The following SNRPA variants were observed in gnomAD, a reference collection of about 807,000 sequenced individuals.
The protein encoded by SNRPA is small nuclear ribonucleoprotein polypeptide A, also known as U1 small nuclear ribonucleoprotein A.
Under a neutral mutation model 24.5 loss-of-function variants are expected in SNRPA, and 10 were observed. The observed-to-expected ratio is 0.41, with a 90% CI of 0.25 to 0.69. The LOEUF (loss-of-function observed/expected upper bound fraction) is 0.69. SNRPA is among the 30% of genes least tolerant of loss of function. The pLI is 0.33. For synonymous variants in SNRPA, 165 were observed against 148.4 expected, an observed-to-expected ratio of 1.11 and a Z score of -0.81; for missense variants, 283 against 394.7, an observed-to-expected ratio of 0.72 and a Z score of 2.40.
chr19:40,755,222 G>A (rs919759705), intron 1 of SNRPA, among the ~76,000 whole-genome samples: 13 of 143,464 alleles, frequency 9.1e-5, no homozygotes, highest in Admixed American at 7.8e-4. Context: ...GATTACAAGC[G>A]CCCTCCACCA....
chr19:40,752,267 ACGGAGGTTGCAGTGAGC>A (rs775499831), intron 1 of SNRPA, among the ~76,000 whole-genome samples: 3 of 150,788 alleles, frequency 2.0e-5, no homozygotes, highest in Non-Finnish European at 3.0e-5. Flanking sequence ...AACCCAGGAG[ACGGAGGTTGCAGTGAGC>A]CGAGATTGCG....
rs1471649955 is a variant in SNRPA at position 40,759,415 on chromosome 19, GCT to G, written c.247-11_247-10del. On this transcript the variant is annotated splice_polypyrimidine_tract_variant and intron_variant, in intron 2 of 5. Transcript: ENST00000243563. ...TGAATCCACGCTCTTAACCCGTTCT[GCT>G]CTCTGTTTGGTAGCGTATCCAGTAT... 1.2e-6 allele frequency: 2 copies of G among 1,604,166 alleles called. No homozygotes were observed. The highest frequency in any genetic ancestry group is 1.1e-5 in the South Asian group (1 of 90,588).
intron 4 of SNRPA, 60 bp from the exon 5 acceptor site, chr19:40,763,527 T>C (rs1430236597): frequency 4.7e-6 from 6 of 1,284,732 alleles, no homozygotes; most frequent in Non-Finnish European, 6.8e-6. Flanking sequence ...GTGGCAGTAC[T>C]ATGGGTCTCC....
rs1004235207 is a variant in SNRPA, at chr19:40,755,257, CTT to C, written c.74-2052_74-2051del. 8.1e-3 allele frequency among the ~76,000 whole-genome samples: 668 copies of C among 82,576 alleles called. 7 individuals are homozygous for C. The highest frequency in any genetic ancestry group is 0.03 in the African/African-American group (598 of 19,850). 54.2% of individuals were successfully genotyped at this position (82,576 alleles called of 152,430 possible). On this transcript the variant is annotated intron_variant, in intron 1 of 5. Coordinates refer to ENST00000243563, the MANE Select transcript of SNRPA (RefSeq NM_004596.5). Reference sequence around the variant, plus strand: ...ACGCCTAGCTAATTTTTTTTCTTTTCTTTTTTTTTTTTTTTTTTTTTTTTGGC... The same window carrying C: ...ACGCCTAGCTAATTTTTTTTCTTTTCTTTTTTTTTTTTTTTTTTTTTTGGC...
At chr19:40,761,338 G>C (rs957242973) in intron 3 of SNRPA, among the ~76,000 whole-genome samples, 3 of 151,866 alleles carry the variant, frequency 2.0e-5, no homozygotes, top group East Asian at 3.9e-4. Context: ...TATCTGCAAG[G>C]GGAAAAAATT....
chr19:40,758,043 T>C (rs2082915813), intron 2 of SNRPA, among the ~76,000 whole-genome samples: 1 of 152,020 alleles, frequency 6.6e-6, no homozygotes, highest in South Asian at 2.1e-4. Context: ...CTTGGCTCAC[T>C]GCAACCTCCA....
At chr19:40,763,274 G>A (rs1370320401) in intron 4 of SNRPA, 200 bp downstream of exon 4, 8 of 597,688 alleles carry the variant, frequency 1.3e-5, no homozygotes. Context: ...GGAAGGTTAG[G>A]GTAGGCTGGA....
chr19:40,764,336 AAT>A (rs1310542047), intron 5 of SNRPA, among the ~76,000 whole-genome samples: 1 of 152,194 alleles, frequency 6.6e-6, no homozygotes, highest in Non-Finnish European at 1.5e-5. Flanking sequence ...GCAACTTTAT[AAT>A]AGTGCCGAGA....
At chr19:40,764,890 A>G (rs746820857) in intron 5 of SNRPA, 118 bp from the exon 6 acceptor site, 119 of 944,648 alleles carry the variant, frequency 1.3e-4, no homozygotes, top group Non-Finnish European at 1.7e-4. Context: ...AATTCTGAGT[A>G]ATGGGGCCCT....
intron 3 of SNRPA, among the ~76,000 whole-genome samples, chr19:40,761,458 C>CTTTTTCTT (rs1204455823): frequency 1.2e-5 from 1 of 85,874 alleles, no homozygotes; most frequent in African/African-American, 4.3e-5. Context: ...TTTTCTTTTT[C>CTTTTTCTT]TTTTTTTTTT....
intron 2 of SNRPA, among the ~76,000 whole-genome samples, chr19:40,757,845 G>A (rs917179112): frequency 1.3e-5 from 2 of 151,610 alleles, no homozygotes; most frequent in African/African-American, 4.8e-5. Flanking sequence ...CTGTGGCTGA[G>A]GAAGGAGAAT....
intron 1 of SNRPA, among the ~76,000 whole-genome samples, chr19:40,756,099 G>A (rs781236777): frequency 6.6e-6 from 1 of 151,954 alleles, no homozygotes; most frequent in Non-Finnish European, 1.5e-5. Context: ...ATAGGAGACT[G>A]TGTCTACAAA....
In SNRPA at chr19:40,757,055, C is replaced by T. The variant is rs930781885; in HGVS notation, c.74-277C>T. The T allele has an allele frequency of 1.0e-5, 4 of 392,788 alleles. No homozygotes were observed. In the Admixed American group the frequency reaches 1.3e-4, roughly 12 times the overall value. The allele number at this position is 392,788 out of a possible 1,614,324, so 24.3% of individuals were successfully genotyped here. A position where few individuals can be genotyped will look rare whatever the true frequency, so the allele number is the denominator to read the frequency against. On this transcript the variant is annotated intron_variant, in intron 1 of 5. Coordinates refer to ENST00000243563, the MANE Select transcript of SNRPA (RefSeq NM_004596.5). Reference sequence around the variant, plus strand: ...GCAGTGAAAAGAATCACTCATTTATCGAGTGTTTACTACGTGCCGGATGCT... The same window carrying T: ...GCAGTGAAAAGAATCACTCATTTATTGAGTGTTTACTACGTGCCGGATGCT...
At chr19:40,763,097 C>A (rs772693595) in intron 4 of SNRPA, 23 bp downstream of exon 4, 11 of 1,524,854 alleles carry the variant, frequency 7.2e-6, no homozygotes, top group Admixed American at 4.2e-5. Flanking sequence ...TCCCACCCAC[C>A]AGGTCTCATA....
At position 40,755,060 on chromosome 19, in the gene SNRPA, C is replaced by T. The variant is rs148765332; in HGVS notation, c.74-2272C>T. Reference sequence around the variant, plus strand: ...CTTTCCTAGCCTGGTATCTATTTTACAAGTGGCTTCTGCTTCAGCTTAGCT... The same window carrying T: ...CTTTCCTAGCCTGGTATCTATTTTATAAGTGGCTTCTGCTTCAGCTTAGCT... On this transcript the variant is annotated intron_variant, in intron 1 of 5. Coordinates refer to ENST00000243563, the MANE Select transcript of SNRPA (RefSeq NM_004596.5). Among the ~76,000 whole-genome samples the T allele has an allele frequency of 4.0e-3, 606 of 152,020 alleles. 2 individuals are homozygous for T. The highest frequency in any genetic ancestry group is 0.013 in the African/African-American group (530 of 41,494).
chr19:40,751,517 C>T, intron 1 of SNRPA, 36 bp downstream of exon 1: 1 of 1,490,740 alleles, frequency 6.7e-7, no homozygotes, highest in South Asian at 1.1e-5. Flanking sequence ...CCAGACTGTC[C>T]CGCACGGGCT....
Position 40,751,458 on chromosome 19 carries a change from T to A in SNRPA, c.50T>A (p.Leu17His). 6.2e-7 allele frequency: 1 copy of A among 1,612,962 alleles called. No individual in the cohort carries two copies. The highest frequency in any genetic ancestry group is 8.5e-7 in the Non-Finnish European group (1 of 1,179,328). ...AACCACACTATTTATATCAACAACC[T>A]CAATGAGAAGATCAAGAAGGATGGT... ...RPNHTIYINN[L>H]NEKIKKDELK... The change falls in exon 1 of 6, where the codon CTC (leucine) becomes CAC (histidine). Residue 17 changes from leucine (L) to histidine (H), a missense_variant. Physicochemically the swap from Leu to His is moderately conservative, Grantham distance 99. Coordinates refer to ENST00000243563, the MANE Select transcript of SNRPA (RefSeq NM_004596.5).
chr19:40,762,217 T>G (rs1319333272), intron 3 of SNRPA, among the ~76,000 whole-genome samples: 1 of 150,866 alleles, frequency 6.6e-6, no homozygotes, highest in East Asian at 2.0e-4. Flanking sequence ...CCCTCCTTTG[T>G]TTTTGTTTTT....
In SNRPA at chr19:40,753,382, A is replaced by ATGTTTTTTTTTT. The variant is rs1171829828; in HGVS notation, c.73+1903_73+1914dup. Reference sequence around the variant, plus strand: ...AAAATCAGGAGTGTAAATTTTGCATATGTTTTTTTTTTTTTTTTTTTTTTT... The same window carrying ATGTTTTTTTTTT: ...AAAATCAGGAGTGTAAATTTTGCATATGTTTTTTTTTTTGTTTTTTTTTTTTTTTTTTTTTTT... On this transcript the variant is annotated intron_variant, in intron 1 of 5. Transcript: ENST00000243563. Among the ~76,000 whole-genome samples the ATGTTTTTTTTTT allele has an allele frequency of 1.6e-4, 10 of 62,208 alleles. 1 individual carries two copies. The highest frequency in any genetic ancestry group is 2.7e-4 in the Non-Finnish European group (8 of 29,742). The allele number at this position is 62,208 out of a possible 152,430, so 40.8% of individuals were successfully genotyped here.
Sources: allele counts gnomAD v4.1 joint callset (sites outside exome capture counted in the v4.1 genomes callset), GRCh38; gene constraint gnomAD v4.1.1; transcripts MANE v1.5; gene names NCBI Gene and HGNC (gene_info 2026-07-23, HGNC 2026-07-21).